CEP192: variants seen among roughly 807,000 people sequenced by gnomAD.
CEP192 encodes centrosomal protein 192.
CEP192 carries 151 observed loss-of-function variants against 271.8 expected under a neutral mutation model. The ratio of observed to expected loss-of-function variants is 0.56; its 90% CI spans 0.49 to 0.64. The LOEUF is 0.64. Among genes scored for constraint, CEP192 ranks in the 30% least tolerant of loss-of-function variants. The pLI is 0.00. For synonymous variants in CEP192, 995 were observed against 1,076.5 expected, an observed-to-expected ratio of 0.92 and a Z score of 1.48; for missense variants, 2,910 against 3,020.5, an observed-to-expected ratio of 0.96 and a Z score of 0.86.
chr18:13,008,702 ATTTT>A (rs796795541), intron 4 of CEP192, 71 bp downstream of exon 4: 1,195 of 927,800 alleles, frequency 1.3e-3, no homozygotes, highest in Middle Eastern at 1.9e-3. Flanking sequence ...TTATCTTTGG[ATTTT>A]TTTTTTTTTT....
At chr18:13,081,339 T>G (rs1013989522) in intron 30 of CEP192, among the ~76,000 whole-genome samples, 6 of 152,214 alleles carry the variant, frequency 3.9e-5, no homozygotes, top group Admixed American at 6.5e-5. Context: ...ATTTAGAGAT[T>G]CAACTTCTTC....
intron 4 of CEP192, 93 bp from the exon 5 acceptor site, chr18:13,012,880 G>T (rs1295996293): frequency 1.2e-5 from 8 of 672,416 alleles, no homozygotes; most frequent in Admixed American, 3.0e-5. Context: ...TCTATTTCAA[G>T]AGAAAAATAT....
At chr18:12,994,227 A>G (rs1388433356) in intron 1 of CEP192, among the ~76,000 whole-genome samples, 1 of 152,232 alleles carries the variant, frequency 6.6e-6, no homozygotes. Flanking sequence ...AGAAATTTAA[A>G]TGGATGTGAT....
intron 30 of CEP192, among the ~76,000 whole-genome samples, chr18:13,074,352 A>G (rs538379242): frequency 1.6e-4 from 24 of 152,282 alleles, no homozygotes; most frequent in Non-Finnish European, 2.4e-4. Flanking sequence ...GCGTCCTTCC[A>G]TGTGCACCCA....
At chr18:13,052,234 G>T (rs1028687569) in intron 17 of CEP192, among the ~76,000 whole-genome samples, 2 of 152,186 alleles carry the variant, frequency 1.3e-5, no homozygotes, top group African/African-American at 4.8e-5. Flanking sequence ...ATTTTACGTT[G>T]TGTAGCAGGG....
In CEP192 at chr18:13,008,589, C is replaced by A; in HGVS notation, c.424C>A (p.Gln142Lys). The change falls in exon 4 of 45, where the codon CAA becomes AAA. Residue 142 changes from glutamine (Q) to lysine (K), a missense_variant. Gln to Lys is a moderately conservative substitution (Grantham distance 53, BLOSUM62 1). Transcript: ENST00000506447. ...CGGAGCTACAGAATCCTTGCAGGGC[C>A]AAGATCTCTTCAACAGGGCTTCACC... ...PAGATESLQG[Q>K]DLFNRASPLE... is the part of the protein sequence containing the mutation. 1.3e-6 allele frequency: 2 copies of A among 1,551,632 alleles called. No individual in the cohort carries two copies. The highest frequency in any genetic ancestry group is 1.7e-6 in the Non-Finnish European group (2 of 1,146,950).
intron 30 of CEP192, among the ~76,000 whole-genome samples, chr18:13,077,297 A>G (rs759323576): frequency 1.8e-4 from 28 of 152,300 alleles, no homozygotes; most frequent in Middle Eastern, 3.4e-3. Context: ...CCAGAATCAG[A>G]AACTTTTTGA....
At chr18:13,028,874 G>A (rs939463019) in intron 9 of CEP192, among the ~76,000 whole-genome samples, 2 of 152,166 alleles carry the variant, frequency 1.3e-5, no homozygotes, top group Non-Finnish European at 2.9e-5. Context: ...AATAAATGGT[G>A]GCACTAGGAT....
chr18:13,123,015 T>C (rs1489837854), intron 44 of CEP192, among the ~76,000 whole-genome samples: 1 of 152,242 alleles, frequency 6.6e-6, no homozygotes, highest in African/African-American at 2.4e-5. Flanking sequence ...AAGCAGATGA[T>C]ATATTTTTAA....
chr18:12,992,703 A>G (rs995688447), intron 1 of CEP192, among the ~76,000 whole-genome samples: 10 of 152,234 alleles, frequency 6.6e-5, no homozygotes, highest in African/African-American at 2.4e-4. Flanking sequence ...ATTAGGTTAC[A>G]TCTTGAGGAA....
At chr18:13,095,876 C>T (rs2039373511) in intron 35 of CEP192, among the ~76,000 whole-genome samples, 195 bp downstream of exon 35, 1 of 152,190 alleles carries the variant, frequency 6.6e-6, no homozygotes, top group Admixed American at 6.5e-5. Flanking sequence ...GGCCACACTC[C>T]TCAATGAGGC....
In CEP192 at chr18:12,999,583, T is replaced by A. The variant is rs2033477426; in HGVS notation, c.159T>A (p.Asp53Glu). ...TTGCTAGGGATAGATCCAGCACTGA[T>A]AACAGGTAAGATTTGTTTGAGCAGA... ...STLARDRSSTDNRYPDIQASY... is the reference protein window; with the variant it reads ...STLARDRSSTENRYPDIQASY... The change falls in exon 2 of 45, where the codon GAT becomes GAA. Residue 53 changes from aspartate to glutamate, a missense_variant. Physicochemically the swap from Asp to Glu is conservative, Grantham distance 45 (BLOSUM62 2). Coordinates refer to ENST00000506447, the MANE Select transcript of CEP192 (RefSeq NM_032142.4). 2 of 1,531,604 alleles carry A rather than the reference T, an allele frequency of 1.3e-6. No individual in the cohort carries two copies. Among genetic ancestry groups the A allele is most frequent in the African/African-American group, 1.4e-5 (1 of 72,184 alleles). The allele number at this position is 1,531,604 out of a possible 1,614,324, so 94.9% of individuals were successfully genotyped here.
chr18:13,004,927 G>C (rs547035065), intron 3 of CEP192, among the ~76,000 whole-genome samples: 9 of 152,120 alleles, frequency 5.9e-5, no homozygotes, highest in Non-Finnish European at 1.2e-4. Context: ...ATTGGCTTTA[G>C]GTTAAGGAGG....
intron 44 of CEP192, 63 bp from the exon 45 acceptor site, chr18:13,124,569 G>A: frequency 6.6e-7 from 1 of 1,516,566 alleles, no homozygotes; most frequent in Non-Finnish European, 8.9e-7. Context: ...GCACTGTGCT[G>A]CCTGGGACAG....
chr18:13,014,436 A>T (rs1017215201), intron 5 of CEP192, among the ~76,000 whole-genome samples: 3 of 152,170 alleles, frequency 2.0e-5, no homozygotes, highest in Non-Finnish European at 4.4e-5. Flanking sequence ...GACATTTTCC[A>T]GGGACCAAGC....
At chr18:13,037,863 A>C (rs575713438) in intron 12 of CEP192, among the ~76,000 whole-genome samples, 2 of 152,002 alleles carry the variant, frequency 1.3e-5, no homozygotes, top group African/African-American at 4.8e-5. Context: ...CTGTATTTCT[A>C]TAGTTTTAAA....
intron 11 of CEP192, among the ~76,000 whole-genome samples, chr18:13,031,243 GTTTTTTTTTTTTT>G (rs60557979): frequency 9.8e-6 from 1 of 101,654 alleles, no homozygotes; most frequent in Admixed American, 1.1e-4. Context: ...CCTTATTGTT[GTTTTTTTTTTTTT>G]TTTTTTTTTG....
In CEP192 at chr18:13,049,402, G is replaced by A; in HGVS notation, c.2611G>A (p.Glu871Lys). ...CTCCTCAAATTCAGTTACAAATAGAGAGAATAACAGTGCAGTAGTTGATGT... is the reference window on the plus strand; with the variant it reads ...CTCCTCAAATTCAGTTACAAATAGAAAGAATAACAGTGCAGTAGTTGATGT... ...INSSNSVTNR[E>K]NNSAVVDVKT... is the part of the protein sequence containing the mutation. The change falls in exon 16 of 45, where the codon GAG becomes AAG. Residue 871 changes from glutamate (E) to lysine (K), a missense_variant. Transcript: ENST00000506447. 2 of 1,613,984 alleles carry A rather than the reference G, an allele frequency of 1.2e-6. No individual in the cohort carries two copies. The highest frequency in any genetic ancestry group is 1.7e-6 in the Non-Finnish European group (2 of 1,179,908).
chr18:13,116,030 G>C (rs2040413000), intron 42 of CEP192, among the ~76,000 whole-genome samples: 1 of 152,202 alleles, frequency 6.6e-6, no homozygotes, highest in Admixed American at 6.5e-5. Context: ...CAGGCACTTG[G>C]AGCAGCCTGT....
Sources: gnomAD v4.1 joint callset for allele counts (sites outside exome capture counted in the v4.1 genomes callset) on GRCh38, gnomAD v4.1.1 for gene constraint, MANE v1.5 for transcripts, NCBI Gene and HGNC (gene_info 2026-07-23, HGNC 2026-07-21) for gene names.